PPFIA2: variants seen among roughly 807,000 people sequenced by gnomAD.
PPFIA2 encodes the protein PPFI scaffold protein A2, also known as liprin-alpha-2.
PPFIA2 carries 46 observed loss-of-function variants against 175.5 expected under a neutral mutation model. The observed-to-expected ratio is 0.26, with a 90% CI of 0.21 to 0.34. The LOEUF (loss-of-function observed/expected upper bound fraction) is 0.34, where lower values mean the gene tolerates loss of function less well. PPFIA2 is among the 10% of genes least tolerant of loss of function. The pLI is 1.00. For synonymous variants in PPFIA2, 568 were observed against 511.4 expected (o/e 1.11, Z -1.49); for missense variants, 1,179 against 1,506.1 (o/e 0.78, Z 3.60).
intron 4 of PPFIA2, among the ~76,000 whole-genome samples, chr12:81,552,559 C>A (rs116894374): frequency 0.026 from 3,916 of 151,720 alleles, 90 homozygotes; most frequent in Non-Finnish European, 0.039. Context: ...ATCATGATGA[C>A]TATATCAATA....
At chr12:81,281,882 T>C (rs752618340) in intron 26 of PPFIA2, among the ~76,000 whole-genome samples, 11 of 152,052 alleles carry the variant, frequency 7.2e-5, no homozygotes, top group Non-Finnish European at 1.2e-4. Flanking sequence ...AATGTTGATG[T>C]GAAATGGGAA....
chr12:81,704,431 A>G (rs150870875), intron 3 of PPFIA2, among the ~76,000 whole-genome samples: 1 of 152,258 alleles, frequency 6.6e-6, no homozygotes, highest in East Asian at 1.9e-4. Flanking sequence ...TAAGGTATAA[A>G]CACACAAAAC....
intron 8 of PPFIA2, among the ~76,000 whole-genome samples, chr12:81,400,736 T>C (rs2041967494): frequency 6.6e-6 from 1 of 152,182 alleles, no homozygotes; most frequent in Non-Finnish European, 1.5e-5. Flanking sequence ...AAGGAAGCTT[T>C]AACTTAGTTC....
At chr12:81,289,709 A>T (rs746485894) in intron 24 of PPFIA2, among the ~76,000 whole-genome samples, 8 of 151,882 alleles carry the variant, frequency 5.3e-5, no homozygotes, top group Non-Finnish European at 1.2e-4. Context: ...CTAAAAGGAT[A>T]ATGTGGAACT....
intron 22 of PPFIA2, among the ~76,000 whole-genome samples, chr12:81,306,882 C>A (rs1053710602): frequency 1.3e-5 from 2 of 151,920 alleles, no homozygotes; most frequent in African/African-American, 4.8e-5. Flanking sequence ...CCTCTAAAGC[C>A]CCTTCAGTCT....
At chr12:81,515,238 G>T (rs895884338) in intron 4 of PPFIA2, among the ~76,000 whole-genome samples, 39 of 151,896 alleles carry the variant, frequency 2.6e-4, no homozygotes, top group African/African-American at 8.9e-4. Context: ...GGGGTACAAG[G>T]TTACCCCTTT....
intron 3 of PPFIA2, among the ~76,000 whole-genome samples, chr12:81,688,323 C>A (rs192570968): frequency 2.6e-5 from 4 of 151,782 alleles, no homozygotes; most frequent in Admixed American, 6.6e-5. Context: ...TGTGCTATAG[C>A]CACTGAGAAG....
intron 30 of PPFIA2, among the ~76,000 whole-genome samples, chr12:81,265,291 CAAAAA>C (rs571821814): frequency 7.0e-4 from 49 of 70,002 alleles, no homozygotes; most frequent in African/African-American, 4.4e-4. Context: ...GAAACTCTGT[CAAAAA>C]AAAAAAAAAA....
intron 9 of PPFIA2, chr12:81,378,259 A>G (rs1397184394): frequency 3.9e-5 from 6 of 152,192 alleles, no homozygotes; most frequent in African/African-American, 9.6e-5. Context: ...GCAATTTGTT[A>G]TGGCAGGTTT....
At chr12:81,481,992 T>C (rs909496221) in intron 4 of PPFIA2, among the ~76,000 whole-genome samples, 1 of 152,110 alleles carries the variant, frequency 6.6e-6, no homozygotes, top group African/African-American at 2.4e-5. Flanking sequence ...AATCTATCCA[T>C]CTGACAAAGG....
intron 23 of PPFIA2, among the ~76,000 whole-genome samples, chr12:81,296,243 CG>C (rs2138006833): frequency 6.6e-6 from 1 of 151,750 alleles, no homozygotes; most frequent in East Asian, 2.0e-4. Context: ...TGCTTAAACC[CG>C]GGAGGCAGAG....
intron 4 of PPFIA2, among the ~76,000 whole-genome samples, chr12:81,569,092 C>T (rs2071957007): frequency 6.6e-6 from 1 of 152,128 alleles, no homozygotes; most frequent in Admixed American, 6.5e-5. Flanking sequence ...TAGTTATCAA[C>T]ATGCATTCAT....
chr12:81,352,867 T>C (rs938569049), intron 17 of PPFIA2, among the ~76,000 whole-genome samples: 2 of 152,196 alleles, frequency 1.3e-5, no homozygotes, highest in African/African-American at 4.8e-5. Flanking sequence ...CTGTCACTGA[T>C]GTCATTAATC....
chr12:81,449,563 C>A (rs1484363745), intron 5 of PPFIA2, among the ~76,000 whole-genome samples: 1 of 151,326 alleles, frequency 6.6e-6, no homozygotes, highest in East Asian at 1.9e-4. Context: ...TCCCAGGGAC[C>A]CCGGATTTTA....
At chr12:81,310,890 G>A (rs2050603456) in intron 22 of PPFIA2, among the ~76,000 whole-genome samples, 1 of 151,900 alleles carries the variant, frequency 6.6e-6, no homozygotes, top group Non-Finnish European at 1.5e-5. Context: ...AGTTAATAAA[G>A]TAATATTACA....
At chr12:81,351,630 G>A (rs1484085363) in intron 17 of PPFIA2, among the ~76,000 whole-genome samples, 3 of 151,556 alleles carry the variant, frequency 2.0e-5, no homozygotes, top group African/African-American at 7.3e-5. Flanking sequence ...GGGTGTGGTA[G>A]CTCACACTTG....
intron 4 of PPFIA2, among the ~76,000 whole-genome samples, chr12:81,535,189 G>A (rs2065200538): frequency 6.6e-6 from 1 of 151,800 alleles, no homozygotes; most frequent in Admixed American, 6.6e-5. Context: ...AGCAGCCTCA[G>A]ATGGTCTGGT....
At chr12:81,693,004 T>A (rs2075437945) in intron 3 of PPFIA2, among the ~76,000 whole-genome samples, 1 of 152,080 alleles carries the variant, frequency 6.6e-6, no homozygotes, top group Non-Finnish European at 1.5e-5. Context: ...GCTGAATATA[T>A]CATCACAGTA....
chr12:81,572,939 G>C (rs1306991865), intron 4 of PPFIA2, among the ~76,000 whole-genome samples: 3 of 151,812 alleles, frequency 2.0e-5, no homozygotes, highest in African/African-American at 4.8e-5. Flanking sequence ...GGGATGACTT[G>C]TGTACTAAAA....
Sources: allele counts gnomAD v4.1 joint callset (sites outside exome capture counted in the v4.1 genomes callset), GRCh38; gene constraint gnomAD v4.1.1; transcripts MANE v1.5; gene names NCBI Gene and HGNC (gene_info 2026-07-23, HGNC 2026-07-21).